IFRD1: variants seen among roughly 807,000 people sequenced by gnomAD.
The protein encoded by IFRD1 is interferon related developmental regulator 1.
In IFRD1, 35 loss-of-function variants were observed where a neutral mutation model predicts 52.9. The ratio of observed to expected loss-of-function variants is 0.66; its 90% CI spans 0.51 to 0.88. The LOEUF (loss-of-function observed/expected upper bound fraction) is 0.88, where lower values mean the gene tolerates loss of function less well. Among genes scored for constraint, IFRD1 ranks in the 40% least tolerant of loss-of-function variants. The pLI, the probability that IFRD1 is intolerant of heterozygous loss-of-function variation, is 0.00. For synonymous variants in IFRD1, 184 were observed against 188.4 expected (o/e 0.98, Z 0.19); for missense variants, 517 against 550.8 (o/e 0.94, Z 0.61).
At chr7:112,441,394 C>T (rs1167894417) in intron 1 of IFRD1, among the ~76,000 whole-genome samples, 6 of 151,592 alleles carry the variant, frequency 4.0e-5, no homozygotes, top group East Asian at 1.9e-4. Flanking sequence ...GAGCTGTGAT[C>T]GCACCACTAC....
intron 1 of IFRD1, among the ~76,000 whole-genome samples, chr7:112,439,682 A>G (rs183073806): frequency 9.2e-5 from 14 of 152,264 alleles, no homozygotes; most frequent in Admixed American, 3.3e-4. Context: ...GTTCATTTGT[A>G]TTTCTCTTGG....
chr7:112,434,010 C>T (rs867032317), intron 1 of IFRD1, among the ~76,000 whole-genome samples: 11 of 151,640 alleles, frequency 7.3e-5, no homozygotes, highest in South Asian at 6.2e-4. Flanking sequence ...TTTTTAGAGA[C>T]AGGGTTTCGC....
intron 1 of IFRD1, among the ~76,000 whole-genome samples, chr7:112,437,693 T>C (rs1794740863): frequency 6.6e-6 from 1 of 151,208 alleles, no homozygotes; most frequent in Non-Finnish European, 1.5e-5. Flanking sequence ...CCACACTAGA[T>C]AAGGCAATCC....
At chr7:112,475,125 AT>A (rs550341420) in intron 11 of IFRD1, among the ~76,000 whole-genome samples, 1 of 151,774 alleles carries the variant, frequency 6.6e-6, no homozygotes, top group Non-Finnish European at 1.5e-5. Flanking sequence ...TGCCTGGCTA[AT>A]TTTTTGTATT....
Position 112,475,510 on chromosome 7 carries a change from A to G in IFRD1, c.1347A>G (p.Glu449=), listed in dbSNP as rs376181638. The change falls in exon 12 of 12, where the codon GAA becomes GAG. Residue 449 remains glutamate, a synonymous_variant. Coordinates refer to ENST00000403825, the MANE Select transcript of IFRD1 (RefSeq NM_001550.4). ...KCRDKRADVG[E]FF is the part of the protein sequence containing the mutation. ...GAGATAAGAGAGCAGATGTTGGAGAATTCTTCTAGATTTTCAGAACTTGAA... is the reference window on the plus strand; with the variant it reads ...GAGATAAGAGAGCAGATGTTGGAGAGTTCTTCTAGATTTTCAGAACTTGAA... 5.6e-6 allele frequency: 9 copies of G among 1,596,066 alleles called. No homozygotes were observed. The highest frequency in any genetic ancestry group is 7.7e-6 in the Non-Finnish European group (9 of 1,164,766).
At chr7:112,455,484 A>G (rs1200201175) in intron 1 of IFRD1, among the ~76,000 whole-genome samples, 2 of 144,194 alleles carry the variant, frequency 1.4e-5, no homozygotes, top group Non-Finnish European at 3.0e-5. Flanking sequence ...CTCTGTCTCA[A>G]AAAAACAAAA....
At chr7:112,453,708 C>G (rs1795220577) in intron 1 of IFRD1, among the ~76,000 whole-genome samples, 1 of 152,076 alleles carries the variant, frequency 6.6e-6, no homozygotes, top group Non-Finnish European at 1.5e-5. Context: ...TATTCCTGTC[C>G]TAAGCACTCC....
Position 112,458,990 on chromosome 7 carries a change from G to A in IFRD1, c.539G>A (p.Gly180Glu). The change falls in exon 5 of 12, where the codon GGG (glycine) becomes GAG (glutamate). Residue 180 changes from glycine to glutamate, a missense_variant. Gly to Glu is a moderately conservative substitution (Grantham distance 98). Transcript: ENST00000403825. ...ATCCTAAAGAAAATCATTTGTGATG[G>A]GTCAGCTAGTATGCAGGCTAGGCAA... ...GPILKKIICD[G>E]SASMQARQTC... The A allele has an allele frequency of 6.2e-7, 1 of 1,613,796 alleles. No individual in the cohort carries two copies. Among genetic ancestry groups the A allele is most frequent in the East Asian group, 2.2e-5 (1 of 44,868 alleles).
At chr7:112,435,238 G>A (rs11771128) in intron 1 of IFRD1, among the ~76,000 whole-genome samples, 30,909 of 152,056 alleles carry the variant, frequency 0.2, 3,230 homozygotes, top group Middle Eastern at 0.3. Flanking sequence ...AAAACCACCC[G>A]CGGACAGAAC....
intron 8 of IFRD1, among the ~76,000 whole-genome samples, chr7:112,465,109 C>T (rs1241787800): frequency 6.6e-6 from 1 of 152,188 alleles, no homozygotes; most frequent in Non-Finnish European, 1.5e-5. Context: ...GATCATACCT[C>T]ACTGCAGCCT....
chr7:112,460,846 A>G (rs1795417236), intron 5 of IFRD1, among the ~76,000 whole-genome samples: 1 of 152,222 alleles, frequency 6.6e-6, no homozygotes, highest in African/African-American at 2.4e-5. Flanking sequence ...TTAGAACAAC[A>G]TGAGGGAATT....
At chr7:112,467,172 T>C (rs575829293) in intron 8 of IFRD1, among the ~76,000 whole-genome samples, 45 of 152,308 alleles carry the variant, frequency 3.0e-4, no homozygotes, top group Middle Eastern at 3.4e-3. Flanking sequence ...ATAAGTTAAA[T>C]GATTCTTAAC....
chr7:112,473,336 A>G (rs141227263), intron 11 of IFRD1, among the ~76,000 whole-genome samples: 1 of 152,158 alleles, frequency 6.6e-6, no homozygotes, highest in South Asian at 2.1e-4. Context: ...TGTATCAGAT[A>G]ATAGCCTGCT....
In IFRD1 at chr7:112,475,594, GT is replaced by G; in HGVS notation, c.*80del. 1 of 891,142 alleles carries G rather than the reference GT, an allele frequency of 1.1e-6. No individual in the cohort carries two copies. Among genetic ancestry groups the G allele is most frequent in the South Asian group, 1.5e-5 (1 of 68,964 alleles). 55.2% of individuals were successfully genotyped at this position (891,142 alleles called of 1,614,324 possible). A position where few individuals can be genotyped will look rare whatever the true frequency, so the allele number is the denominator to read the frequency against. The stretch of plus-strand genomic sequence containing the variant: ...TCAATGTATTTAAACTCTAGACACA[GT>G]TTTTATCCTGGATTAACTTAGATAA... On this transcript the variant is annotated 3_prime_UTR_variant, in exon 12 of 12. Coordinates refer to ENST00000403825, the MANE Select transcript of IFRD1 (RefSeq NM_001550.4).
At chr7:112,465,034 G>A (rs930542451) in intron 8 of IFRD1, among the ~76,000 whole-genome samples, 2 of 152,112 alleles carry the variant, frequency 1.3e-5, no homozygotes, top group African/African-American at 4.8e-5. Context: ...AGCAGGAATT[G>A]AAATAAATAA....
chr7:112,456,205 C>T, intron 3 of IFRD1, 119 bp downstream of exon 3: 3 of 734,366 alleles, frequency 4.1e-6, no homozygotes, highest in Non-Finnish European at 7.5e-6. Context: ...ATAATTTGTG[C>T]AGCTCTCAGA....
At chr7:112,451,987 C>T in intron 1 of IFRD1, 1 of 981,516 alleles carries the variant, frequency 1.0e-6, no homozygotes, top group East Asian at 1.1e-4. Flanking sequence ...ATGTATTAAA[C>T]ATTTAATAAT....
At position 112,475,914 on chromosome 7, in the gene IFRD1, T is replaced by G. The variant is rs1283870844; in HGVS notation, c.*395T>G. 1 of 168,752 alleles carries G rather than the reference T, an allele frequency of 5.9e-6. No individual in the cohort carries two copies. The highest frequency in any genetic ancestry group is 1.3e-5 in the Non-Finnish European group (1 of 78,476). The allele number at this position is 168,752 out of a possible 1,614,324, so 10.5% of individuals were successfully genotyped here. A position where few individuals can be genotyped will look rare whatever the true frequency, so the allele number is the denominator to read the frequency against. On this transcript the variant is annotated 3_prime_UTR_variant, in exon 12 of 12. Transcript: ENST00000403825. ...TAGACAAGAGTTCTGGGTACAATTT[T>G]GGGATCTAGTTCCCCTGGAAAAGCT...
intron 1 of IFRD1, among the ~76,000 whole-genome samples, chr7:112,439,184 T>A (rs1794799474): frequency 6.6e-6 from 1 of 152,184 alleles, no homozygotes; most frequent in South Asian, 2.1e-4. Flanking sequence ...TGGACAGAAT[T>A]CTGTGGAGGC....
Sources: allele counts gnomAD v4.1 joint callset (sites outside exome capture counted in the v4.1 genomes callset), GRCh38; gene constraint gnomAD v4.1.1; transcripts MANE v1.5; gene names NCBI Gene and HGNC (gene_info 2026-07-23, HGNC 2026-07-21).